FGF12: variants seen among roughly 807,000 people sequenced by gnomAD.
FGF12 encodes fibroblast growth factor 12, also known as fibroblast growth factor 12B.
Under a neutral mutation model 23.6 loss-of-function variants are expected in FGF12, and 14 were observed. The observed-to-expected ratio is 0.59, with a 90% CI of 0.39 to 0.93. The LOEUF (loss-of-function observed/expected upper bound fraction) is 0.93, where lower values mean the gene tolerates loss of function less well. Ranked by LOEUF, FGF12 falls within the 40% of genes least tolerant of loss-of-function variation. The pLI, the probability that FGF12 is intolerant of heterozygous loss-of-function variation, is 0.00. For synonymous variants in FGF12, 62 were observed against 77.3 expected (o/e 0.80, Z 1.04); for missense variants, 175 against 217.8 (o/e 0.80, Z 1.24).
At chr3:192,477,830 C>T (rs533474679) in intron 2 of FGF12, among the ~76,000 whole-genome samples, 2 of 152,292 alleles carry the variant, frequency 1.3e-5, no homozygotes, top group South Asian at 4.1e-4. Flanking sequence ...ATTATTCTTT[C>T]AGGTTCATGA....
At chr3:192,235,597 C>T (rs1719251785) in intron 4 of FGF12, among the ~76,000 whole-genome samples, 1 of 152,158 alleles carries the variant, frequency 6.6e-6, no homozygotes, top group Non-Finnish European at 1.5e-5. Flanking sequence ...GCTGGGATTA[C>T]AGGCGTGAGC....
At chr3:192,368,708 T>C (rs1462564416) in intron 2 of FGF12, among the ~76,000 whole-genome samples, 1 of 152,180 alleles carries the variant, frequency 6.6e-6, no homozygotes, top group African/African-American at 2.4e-5. Context: ...TGAACAGTAT[T>C]AGAGCATGAC....
chr3:192,629,572 C>T (rs1350456201), intron 2 of FGF12, among the ~76,000 whole-genome samples: 1 of 152,150 alleles, frequency 6.6e-6, no homozygotes, highest in East Asian at 1.9e-4. Flanking sequence ...GCTGAGTAAG[C>T]AATAAAAACT....
intron 4 of FGF12, among the ~76,000 whole-genome samples, chr3:192,246,038 A>G (rs1292920398): frequency 6.6e-6 from 1 of 152,236 alleles, no homozygotes; most frequent in African/African-American, 2.4e-5. Context: ...ATCTCATCAC[A>G]TTACAAAATT....
intron 4 of FGF12, among the ~76,000 whole-genome samples, chr3:192,172,240 T>A (rs1426070189): frequency 2.1e-5 from 3 of 139,606 alleles, no homozygotes; most frequent in Admixed American, 7.4e-5. Flanking sequence ...AATGCAAAAA[T>A]TAGCTGGGTG....
intron 4 of FGF12, among the ~76,000 whole-genome samples, chr3:192,252,462 C>CAAAAAAAAAAAAAAAAAAAAA (rs56920518): frequency 1.5e-4 from 4 of 27,496 alleles, no homozygotes; most frequent in African/African-American, 2.6e-4. Flanking sequence ...GAATCTGTCT[C>CAAAAAAAAAAAAAAAAAAAAA]AAAAAAAAAA....
At chr3:192,542,999 A>C (rs910342212) in intron 2 of FGF12, among the ~76,000 whole-genome samples, 3 of 152,012 alleles carry the variant, frequency 2.0e-5, no homozygotes, top group African/African-American at 7.3e-5. Context: ...TGTGGTTACC[A>C]CTGCCTGACT....
rs116301501 is a variant in FGF12 at position 192,204,231 on chromosome 3, C to T, written c.229-33575G>A. On this transcript the variant is annotated intron_variant, in intron 4 of 5. Transcript: ENST00000445105. The stretch of plus-strand genomic sequence containing the variant: ...CTGAGCAAAAAGATGAAAGAAAATT[C>T]CATTTTCTTTATCACAGAGCAAATA... 9.5e-3 allele frequency among the ~76,000 whole-genome samples: 1,442 copies of T among 152,210 alleles called. 22 individuals are homozygous for T. The highest frequency in any genetic ancestry group is 0.033 in the African/African-American group (1,355 of 41,528).
intron 2 of FGF12, among the ~76,000 whole-genome samples, chr3:192,444,730 T>G (rs951221419): frequency 6.6e-6 from 1 of 152,220 alleles, no homozygotes; most frequent in African/African-American, 2.4e-5. Context: ...TGCTTCCCTC[T>G]GCGAATTAGA....
intron 3 of FGF12, among the ~76,000 whole-genome samples, chr3:192,357,098 G>A (rs1240338051): frequency 6.6e-6 from 1 of 152,112 alleles, no homozygotes; most frequent in African/African-American, 2.4e-5. Context: ...ACGTAACATG[G>A]TACCATTAGT....
chr3:192,326,052 C>A (rs76382727), intron 4 of FGF12, among the ~76,000 whole-genome samples: 2,055 of 152,210 alleles, frequency 0.014, 33 homozygotes, highest in East Asian at 0.05. Flanking sequence ...TATGATGCCT[C>A]TATCAACCGA....
At chr3:192,333,071 C>A (rs145743753) in intron 4 of FGF12, among the ~76,000 whole-genome samples, 16 of 152,164 alleles carry the variant, frequency 1.1e-4, no homozygotes, top group Non-Finnish European at 8.8e-5. Flanking sequence ...GATTCCCACC[C>A]CCTCGTAACC....
At chr3:192,599,138 A>T (rs1211524894) in intron 2 of FGF12, among the ~76,000 whole-genome samples, 2 of 152,010 alleles carry the variant, frequency 1.3e-5, no homozygotes, top group African/African-American at 4.8e-5. Context: ...GATGGATAGC[A>T]TTAGAAGAAA....
At chr3:192,460,871 G>C (rs1468981377) in intron 2 of FGF12, among the ~76,000 whole-genome samples, 1 of 152,004 alleles carries the variant, frequency 6.6e-6, no homozygotes, top group Non-Finnish European at 1.5e-5. Context: ...AACTGAACTG[G>C]AGCAAAAAGT....
chr3:192,458,760 G>A (rs1345413918), intron 2 of FGF12, among the ~76,000 whole-genome samples: 1 of 152,194 alleles, frequency 6.6e-6, no homozygotes, highest in East Asian at 1.9e-4. Context: ...AGGCACAATT[G>A]GTTTTAAAAT....
chr3:192,410,682 T>G (rs73193595), intron 2 of FGF12, among the ~76,000 whole-genome samples: 1 of 152,076 alleles, frequency 6.6e-6, no homozygotes, highest in Non-Finnish European at 1.5e-5. Context: ...TGGTTCTGTC[T>G]GGAAAGCTGC....
chr3:192,176,472 T>C (rs1250236403), intron 4 of FGF12, among the ~76,000 whole-genome samples: 1 of 152,226 alleles, frequency 6.6e-6, no homozygotes, highest in African/African-American at 2.4e-5. Context: ...GCCCAGTTTA[T>C]TCTTGTTTAA....
At chr3:192,190,252 A>AT (rs1314618867) in intron 4 of FGF12, among the ~76,000 whole-genome samples, 12 of 152,270 alleles carry the variant, frequency 7.9e-5, no homozygotes, top group African/African-American at 2.6e-4. Flanking sequence ...AACACCTTTT[A>AT]TAAATTGCAA....
At chr3:192,649,945 T>C (rs1716154554) in intron 2 of FGF12, among the ~76,000 whole-genome samples, 1 of 152,210 alleles carries the variant, frequency 6.6e-6, no homozygotes, top group Admixed American at 6.5e-5. Flanking sequence ...ATTTTGCTCA[T>C]ATTTTTCTTA....
Sources: allele counts gnomAD v4.1 joint callset (sites outside exome capture counted in the v4.1 genomes callset), GRCh38; gene constraint gnomAD v4.1.1; transcripts MANE v1.5; gene names NCBI Gene and HGNC (gene_info 2026-07-23, HGNC 2026-07-21).